ZNF516: variants seen among roughly 807,000 people sequenced by gnomAD.
The protein encoded by ZNF516 is zinc finger protein 516.
A neutral mutation model predicts 79.7 loss-of-function variants in ZNF516; 19 were observed. The ratio of observed to expected loss-of-function variants is 0.24; its 90% CI spans 0.17 to 0.35. The LOEUF (loss-of-function observed/expected upper bound fraction) is 0.35, where lower values mean the gene tolerates loss of function less well. Among genes scored for constraint, ZNF516 ranks in the 10% least tolerant of loss-of-function variants. The pLI is 1.00. For synonymous variants in ZNF516, 877 were observed against 739.5 expected (o/e 1.19, Z -3.02); for missense variants, 1,678 against 1,679.5 (o/e 1.00, Z 0.02).
Position 76,392,641 on chromosome 18 carries a change from C to A in ZNF516, c.1811-12338G>T, listed in dbSNP as rs1226976503. On this transcript the variant is annotated intron_variant, in intron 3 of 6. Transcript: ENST00000443185. ...GACAAGTGGCCAGGTGGAGGGAGGG[C>A]AGGCGGGAAGGCAGGTGACCAGGTG... 1.9e-5 allele frequency among the ~76,000 whole-genome samples: 2 copies of A among 105,564 alleles called. 1 individual carries two copies. Among genetic ancestry groups the A allele is most frequent in the Non-Finnish European group, 3.7e-5 (2 of 54,768 alleles). The allele number at this position is 105,564 out of a possible 152,430, so 69.3% of individuals were successfully genotyped here.
intron 1 of ZNF516, among the ~76,000 whole-genome samples, chr18:76,486,467 T>A (rs2145811481): frequency 6.6e-6 from 1 of 152,360 alleles, no homozygotes; most frequent in East Asian, 1.9e-4. Context: ...GAAAAATTTT[T>A]AATTCTTAGC....
chr18:76,450,770 T>C (rs972419493), intron 2 of ZNF516, among the ~76,000 whole-genome samples: 2 of 152,180 alleles, frequency 1.3e-5, no homozygotes, highest in African/African-American at 4.8e-5. Flanking sequence ...AAATATGGCG[T>C]TATCAGGGAA....
intron 3 of ZNF516, among the ~76,000 whole-genome samples, chr18:76,403,432 C>G (rs1179107313): frequency 2.0e-5 from 3 of 152,176 alleles, no homozygotes. Flanking sequence ...CACAGCCACA[C>G]CTGGGGGGCA....
intron 5 of ZNF516, 124 bp from the exon 6 acceptor site, chr18:76,370,719 A>G (rs1599134508): frequency 1.3e-6 from 1 of 749,838 alleles, no homozygotes; most frequent in Non-Finnish European, 2.0e-6. Flanking sequence ...CTGTGGCTGG[A>G]AAATACCAAT....
intron 2 of ZNF516, among the ~76,000 whole-genome samples, chr18:76,450,458 C>T (rs1211364686): frequency 6.6e-6 from 1 of 150,524 alleles, no homozygotes; most frequent in Non-Finnish European, 1.5e-5. Flanking sequence ...AAAGAAAAAT[C>T]GTCTGAATAA....
intron 3 of ZNF516, among the ~76,000 whole-genome samples, chr18:76,403,066 G>A (rs963300490): frequency 1.3e-5 from 2 of 152,206 alleles, no homozygotes; most frequent in African/African-American, 2.4e-5. Context: ...CACCAAAGGC[G>A]CCTGGCACTA....
At chr18:76,399,674 T>C (rs148663695) in intron 3 of ZNF516, among the ~76,000 whole-genome samples, 92 of 152,350 alleles carry the variant, frequency 6.0e-4, no homozygotes, top group East Asian at 1.9e-3. Context: ...AGTTGTCTTC[T>C]GTCACCTCTA....
intron 3 of ZNF516, among the ~76,000 whole-genome samples, chr18:76,424,518 A>AAC (rs2075562010): frequency 1.4e-5 from 2 of 143,016 alleles, no homozygotes; most frequent in Non-Finnish European, 3.0e-5. Context: ...TCCCCCATGA[A>AAC]ACACATGCAG....
intron 1 of ZNF516, among the ~76,000 whole-genome samples, chr18:76,482,717 G>A (rs1251996142): frequency 6.6e-6 from 1 of 152,164 alleles, no homozygotes; most frequent in Middle Eastern, 3.2e-3. Context: ...GTGACCTTAC[G>A]TGCACACTTC....
At chr18:76,472,231 G>A (rs137891594) in intron 1 of ZNF516, among the ~76,000 whole-genome samples, 14 of 152,212 alleles carry the variant, frequency 9.2e-5, no homozygotes, top group Non-Finnish European at 1.5e-4. Context: ...CCCTTGGGAC[G>A]GAGTCCATAT....
At chr18:76,384,194 G>A (rs1244350565) in intron 3 of ZNF516, among the ~76,000 whole-genome samples, 1 of 152,050 alleles carries the variant, frequency 6.6e-6, no homozygotes, top group Non-Finnish European at 1.5e-5. Flanking sequence ...CGCCACCACT[G>A]GCAATGAGAA....
intron 5 of ZNF516, 140 bp downstream of exon 5, chr18:76,371,327 G>A (rs918184200): frequency 2.5e-5 from 20 of 789,152 alleles, no homozygotes; most frequent in South Asian, 3.5e-5. Flanking sequence ...ATACGATCCC[G>A]GAGGCAGATG....
At chr18:76,473,845 G>A (rs1029450499) in intron 1 of ZNF516, among the ~76,000 whole-genome samples, 1 of 136,118 alleles carries the variant, frequency 7.3e-6, no homozygotes, top group South Asian at 2.4e-4. Context: ...AAAGGGTAAA[G>A]TAGAACTCAC....
Position 76,358,342 on chromosome 18 carries a change from C to T in ZNF516, c.*4156G>A, listed in dbSNP as rs2074484944. ...GTTACAAATTCTAATATAAAGAGTA[C>T]AAAATATAATGTTATAAATTGTATT... On this transcript the variant is annotated 3_prime_UTR_variant, in exon 7 of 7. Transcript: ENST00000443185. The T allele has an allele frequency of 6.6e-6, 1 of 152,104 alleles. No homozygotes were observed. The highest frequency in any genetic ancestry group is 6.5e-5 in the Admixed American group (1 of 15,270). 9.4% of individuals were successfully genotyped at this position (152,104 alleles called of 1,614,324 possible).
chr18:76,360,644 AAAATATATATATATATATAT>A lies in ZNF516; in HGVS notation c.*1834_*1853del, dbSNP rs1482373637. The A allele has an allele frequency of 9.8e-6, 1 of 101,662 alleles. No homozygotes were observed. Among genetic ancestry groups the A allele is most frequent in the Non-Finnish European group, 2.1e-5 (1 of 47,516 alleles). 6.3% of individuals were successfully genotyped at this position (101,662 alleles called of 1,614,324 possible). ...AGAAAAAAATAAGTAAAAAAAAAAAAAAATATATATATATATATATATATATATATATATAAGCTAGCCAG... is the reference window on the plus strand; with the variant it reads ...AGAAAAAAATAAGTAAAAAAAAAAAAATATATATATATATAAGCTAGCCAG... On this transcript the variant is annotated 3_prime_UTR_variant, in exon 7 of 7. Coordinates refer to ENST00000443185, the MANE Select transcript of ZNF516 (RefSeq NM_014643.4).
chr18:76,428,942 T>C (rs370333569), intron 3 of ZNF516, among the ~76,000 whole-genome samples: 2 of 152,124 alleles, frequency 1.3e-5, no homozygotes, highest in South Asian at 2.1e-4. Flanking sequence ...CCTCCTGCCA[T>C]AGCTAGCCCT....
At chr18:76,365,788 C>T (rs1162838106) in intron 6 of ZNF516, among the ~76,000 whole-genome samples, 2 of 152,148 alleles carry the variant, frequency 1.3e-5, no homozygotes, top group Non-Finnish European at 2.9e-5. Flanking sequence ...CTCCTGAGGC[C>T]CAGGGCCCGG....
rs755230699 is a variant in ZNF516, at chr18:76,441,992, C to T, written c.1063G>A (p.Ala355Thr). ...CTGGCCTCGACTCTGCGGTGGATGG[C>T]ATTGTGGGCGTTCAAGCTGTCCAGG... ...TNLDSLNAHN[A>T]IHRRVEASRT... The change falls in exon 3 of 7, where the codon GCC becomes ACC. Residue 355 changes from alanine (A) to threonine (T), a missense_variant. Physicochemically the swap from Ala to Thr is moderately conservative, Grantham distance 58. Around this residue, in one of 5 missense-constraint regions of ZNF516, gnomAD observed 1,294 missense variants for 1,248.3 expected, o/e 1.04. Transcript: ENST00000443185. The T allele has an allele frequency of 1.1e-5, 18 of 1,613,226 alleles. No individual in the cohort carries two copies. The East Asian group carries it at 1.3e-4, about 12-fold the overall frequency.
At chr18:76,471,389 C>T (rs1043654378) in intron 1 of ZNF516, among the ~76,000 whole-genome samples, 2 of 152,182 alleles carry the variant, frequency 1.3e-5, no homozygotes, top group African/African-American at 4.8e-5. Flanking sequence ...ACCCCAGACA[C>T]GGACTGATTC....
Sources: allele counts gnomAD v4.1 joint callset (sites outside exome capture counted in the v4.1 genomes callset), GRCh38; gene constraint gnomAD v4.1.1; regional missense constraint gnomAD v4.1.1; transcripts MANE v1.5; gene names NCBI Gene and HGNC (gene_info 2026-07-23, HGNC 2026-07-21).